RNF216: variants seen among roughly 807,000 people sequenced by gnomAD.
RNF216 encodes the protein E3 ubiquitin-protein ligase RNF216.
RNF216 carries 72 observed loss-of-function variants against 110.8 expected under a neutral mutation model. The ratio of observed to expected loss-of-function variants is 0.65; its 90% CI spans 0.54 to 0.79. The LOEUF is 0.79. Ranked by LOEUF, RNF216 falls within the 30% of genes least tolerant of loss-of-function variation. The pLI, the probability that RNF216 is intolerant of heterozygous loss-of-function variation, is 0.00. For missense variants in RNF216, 1,342 were observed against 1,141.2 expected (o/e 1.18, Z -2.54); for synonymous variants, 495 against 407.5 (o/e 1.21, Z -2.59).
chr7:5,722,681 C>T (rs1456758170), intron 8 of RNF216, among the ~76,000 whole-genome samples: 25 of 151,952 alleles, frequency 1.6e-4, no homozygotes, highest in African/African-American at 5.3e-4. Flanking sequence ...TGAGCCACCG[C>T]GCCCAGCCTC....
At chr7:5,746,461 C>G (rs1369833855) in intron 3 of RNF216, among the ~76,000 whole-genome samples, 2 of 152,136 alleles carry the variant, frequency 1.3e-5, no homozygotes, top group African/African-American at 2.4e-5. Context: ...TTAAAGCTAA[C>G]TGATACCAGC....
chr7:5,716,339 G>T (rs1350247016), intron 10 of RNF216, among the ~76,000 whole-genome samples: 1 of 151,898 alleles, frequency 6.6e-6, no homozygotes, highest in Non-Finnish European at 1.5e-5. Context: ...GTGAAACCCC[G>T]TCTCTACTAA....
chr7:5,639,763 ATTTT>A, intron 15 of RNF216, among the ~76,000 whole-genome samples: 1 of 134,832 alleles, frequency 7.4e-6, no homozygotes, highest in South Asian at 2.4e-4. Flanking sequence ...CCTAGCCTTA[ATTTT>A]TTTTTTTTTT....
At chr7:5,631,540 AT>A (rs1355213091) in intron 15 of RNF216, among the ~76,000 whole-genome samples, 1 of 152,036 alleles carries the variant, frequency 6.6e-6, no homozygotes, top group Non-Finnish European at 1.5e-5. Flanking sequence ...ATGCTTCAAG[AT>A]TTCCTTGCCT....
chr7:5,722,222 C>T (rs927814989), intron 8 of RNF216, among the ~76,000 whole-genome samples: 1 of 152,142 alleles, frequency 6.6e-6, no homozygotes, highest in South Asian at 2.1e-4. Context: ...CAACGCCTGG[C>T]CAATTTATGT....
chr7:5,700,245 C>G lies in RNF216; in HGVS notation c.2061+11516G>C, dbSNP rs187539761. On this transcript the variant is annotated intron_variant, in intron 13 of 16. Coordinates refer to ENST00000389902, the MANE Select transcript of RNF216 (RefSeq NM_207111.4). ...TCACTTTCCACCTCAGCACACACCA[C>G]AAGCCGCACACGTGCACTCACACAC... Among the ~76,000 whole-genome samples the G allele has an allele frequency of 7.2e-5, 11 of 152,318 alleles. No homozygotes were observed. The East Asian group carries it at 2.1e-3, about 29-fold the overall frequency.
intron 1 of RNF216, among the ~76,000 whole-genome samples, chr7:5,770,443 G>A (rs568209220): frequency 2.0e-5 from 3 of 150,130 alleles, no homozygotes; most frequent in Admixed American, 6.7e-5. Flanking sequence ...CCTGGGCAAC[G>A]AGAGCAAAAC....
In RNF216 at chr7:5,744,643, A is replaced by G. The variant is rs527993576; in HGVS notation, c.202-2828T>C. On this transcript the variant is annotated intron_variant, in intron 3 of 16. Coordinates refer to ENST00000389902, the MANE Select transcript of RNF216 (RefSeq NM_207111.4). ...ATTGGTTCTGAAGACTCTACAAAAC[A>G]AACAAACAAACAAAAAACAACCCTC... 6.0e-5 allele frequency among the ~76,000 whole-genome samples: 9 copies of G among 149,850 alleles called. No homozygotes were observed. In the South Asian group the frequency reaches 1.9e-3, roughly 31 times the overall value.
At chr7:5,750,994 T>C (rs1276861095) in intron 3 of RNF216, among the ~76,000 whole-genome samples, 1 of 152,200 alleles carries the variant, frequency 6.6e-6, no homozygotes, top group Non-Finnish European at 1.5e-5. Flanking sequence ...TAAAACAAGG[T>C]AGACTCCTTG....
At chr7:5,691,362 G>A (rs1011041403) in intron 13 of RNF216, among the ~76,000 whole-genome samples, 2 of 152,170 alleles carry the variant, frequency 1.3e-5, no homozygotes, top group African/African-American at 4.8e-5. Context: ...CAGTGTTCCT[G>A]TTCTGGCTGG....
chr7:5,719,881 G>C (rs896437344), intron 9 of RNF216, among the ~76,000 whole-genome samples: 1 of 152,150 alleles, frequency 6.6e-6, no homozygotes, highest in African/African-American at 2.4e-5. Context: ...CTGGATATAA[G>C]ACAAGCTTCA....
intron 13 of RNF216, among the ~76,000 whole-genome samples, chr7:5,665,725 T>C (rs1789466821): frequency 6.6e-6 from 1 of 152,052 alleles, no homozygotes; most frequent in South Asian, 2.1e-4. Flanking sequence ...ATTTTATCTT[T>C]ATCATAGTAA....
At chr7:5,778,394 C>T (rs58364611) in intron 1 of RNF216, among the ~76,000 whole-genome samples, 6,104 of 152,238 alleles carry the variant, frequency 0.04, 180 homozygotes, top group East Asian at 0.066. Context: ...CTAGATGTTC[C>T]TCCCTGGTTC....
At chr7:5,660,478 G>A (rs1789044188) in intron 13 of RNF216, among the ~76,000 whole-genome samples, 1 of 151,236 alleles carries the variant, frequency 6.6e-6, no homozygotes, top group African/African-American at 2.4e-5. Context: ...TTTTAGTAGA[G>A]ACAGGGTTTC....
Position 5,709,761 on chromosome 7 carries a change from T to G in RNF216, c.2061+2000A>C, listed in dbSNP as rs556872689. 1.4e-4 allele frequency among the ~76,000 whole-genome samples: 22 copies of G among 152,280 alleles called. No homozygotes were observed. In the East Asian group the frequency reaches 4.2e-3, roughly 29 times the overall value. Reference sequence around the variant, plus strand: ...GCCCTCAGGCTTTTATTTTTTAAATTTTTTTCTTTTAAAGACAGAGTCTTA... The same window carrying G: ...GCCCTCAGGCTTTTATTTTTTAAATGTTTTTCTTTTAAAGACAGAGTCTTA... On this transcript the variant is annotated intron_variant, in intron 13 of 16. Transcript: ENST00000389902.
rs192456985 is a variant in RNF216 at position 5,652,194 on chromosome 7, G to T, written c.2159+219C>A. Among the ~76,000 whole-genome samples, 81 of 152,254 alleles carry T rather than the reference G, an allele frequency of 5.3e-4. 1 individual carries two copies. Among genetic ancestry groups the T allele is most frequent in the Non-Finnish European group, 9.7e-4 (66 of 68,024 alleles). ...ACCATCATTTATTGAATTCACAGGT[G>T]CCAGGCATTTATATGTTAGTTTGTC... On this transcript the variant is annotated intron_variant, in intron 14 of 16. Coordinates refer to ENST00000389902, the MANE Select transcript of RNF216 (RefSeq NM_207111.4).
intron 13 of RNF216, among the ~76,000 whole-genome samples, chr7:5,694,601 G>A (rs959623766): frequency 3.3e-5 from 5 of 152,194 alleles, no homozygotes; most frequent in Non-Finnish European, 7.3e-5. Flanking sequence ...CTTGTTTATA[G>A]GAAAACCTTC....
chr7:5,738,236 T>G (rs1351145822), intron 5 of RNF216, among the ~76,000 whole-genome samples: 1 of 152,114 alleles, frequency 6.6e-6, no homozygotes, highest in Non-Finnish European at 1.5e-5. Context: ...AAAAATTTTT[T>G]TAAAATAAGA....
At chr7:5,626,450 A>C (rs1351822082) in intron 15 of RNF216, among the ~76,000 whole-genome samples, 3 of 151,880 alleles carry the variant, frequency 2.0e-5, no homozygotes, top group East Asian at 1.9e-4. Flanking sequence ...GAACCAAAAA[A>C]CCCCAACAAA....
Sources: allele counts gnomAD v4.1 joint callset (sites outside exome capture counted in the v4.1 genomes callset), GRCh38; gene constraint gnomAD v4.1.1; transcripts MANE v1.5; gene names NCBI Gene and HGNC (gene_info 2026-07-23, HGNC 2026-07-21).